GALNT5: variants seen among roughly 807,000 people sequenced by gnomAD.
GALNT5 encodes UDP-GalNAc:polypeptide N-acetylgalactosaminyltransferase 5.
In GALNT5, 72 loss-of-function variants were observed where a neutral mutation model predicts 85.4. That is an observed-to-expected ratio of 0.84 (90% CI 0.70 to 1.03). The LOEUF (loss-of-function observed/expected upper bound fraction) is 1.03. Among genes scored for constraint, GALNT5 ranks in the 50% least tolerant of loss-of-function variants. The pLI is 0.00. For missense variants in GALNT5, 1,137 were observed against 1,135.5 expected (o/e 1.00, Z -0.02); for synonymous variants, 404 against 397.0 (o/e 1.02, Z -0.21).
chr2:157,259,165 G>A lies in GALNT5; in HGVS notation c.1083G>A (p.Arg361=). Residue 361 remains arginine, a synonymous_variant, in exon 1 of 10, where the codon AGG becomes AGA. Coordinates refer to ENST00000259056, the MANE Select transcript of GALNT5 (RefSeq NM_014568.3). ...LGKSQSKHIS[R]NRSEMSSSSL... ...AAAGCCAAAGTAAACACATTTCCAG[G>A]AATAGAAGTGAGATGTCTTCCTCTT... is the stretch of plus-strand genomic sequence containing the variant. 4.0e-6 allele frequency: 6 copies of A among 1,516,186 alleles called. No individual in the cohort carries two copies. The highest frequency in any genetic ancestry group is 2.3e-5 in the East Asian group (1 of 43,750). 93.9% of individuals were successfully genotyped at this position (1,516,186 alleles called of 1,614,324 possible).
At position 157,314,651 on chromosome 2, in the gene GALNT5, C is replaced by T. The variant is rs192196748; in HGVS notation, c.*3303C>T. Among the ~76,000 whole-genome samples the T allele has an allele frequency of 3.9e-5, 6 of 152,270 alleles. No individual in the cohort carries two copies. The highest frequency in any genetic ancestry group is 1.3e-4 in the Admixed American group (2 of 15,292). Reference sequence around the variant, plus strand: ...TAGGAGTCCAATATTCCCAACCAACCTTGATTTCATGAATGGCTTGTAATT... The same window carrying T: ...TAGGAGTCCAATATTCCCAACCAACTTTGATTTCATGAATGGCTTGTAATT... On this transcript the variant is annotated 3_prime_UTR_variant, in exon 10 of 10. Coordinates refer to ENST00000259056, the MANE Select transcript of GALNT5 (RefSeq NM_014568.3).
chr2:157,274,399 C>T (rs544149915), intron 1 of GALNT5, among the ~76,000 whole-genome samples: 17 of 152,302 alleles, frequency 1.1e-4, no homozygotes, highest in African/African-American at 2.6e-4. Context: ...CCTGAGGAAT[C>T]GCCAGACTGT....
At chr2:157,271,576 G>C (rs1434020335) in intron 1 of GALNT5, among the ~76,000 whole-genome samples, 1 of 152,218 alleles carries the variant, frequency 6.6e-6, no homozygotes, top group African/African-American at 2.4e-5. Context: ...ACACAGAATA[G>C]AAGTTGATGG....
chr2:157,308,519 GC>G, intron 8 of GALNT5, 47 bp from the exon 9 acceptor site: 1 of 1,468,698 alleles, frequency 6.8e-7, no homozygotes, highest in Non-Finnish European at 9.3e-7. Flanking sequence ...CAAAGCCCCT[GC>G]CTGTGTTTGC....
At chr2:157,292,436 A>G (rs549814996) in intron 3 of GALNT5, among the ~76,000 whole-genome samples, 5 of 152,206 alleles carry the variant, frequency 3.3e-5, no homozygotes, top group Non-Finnish European at 7.3e-5. Flanking sequence ...CTCTTCCCCA[A>G]AATAAAACAA....
At chr2:157,306,394 A>G (rs1683456692) in intron 8 of GALNT5, among the ~76,000 whole-genome samples, 1 of 152,192 alleles carries the variant, frequency 6.6e-6, no homozygotes, top group Non-Finnish European at 1.5e-5. Flanking sequence ...TCCATGATCC[A>G]TGGTAGAAAC....
intron 3 of GALNT5, among the ~76,000 whole-genome samples, chr2:157,291,427 T>C (rs922154402): frequency 6.6e-6 from 1 of 152,078 alleles, no homozygotes; most frequent in Non-Finnish European, 1.5e-5. Context: ...AGGTAAAAAT[T>C]TTTTCCTTAG....
chr2:157,312,898 T>C lies in GALNT5; in HGVS notation c.*1550T>C, dbSNP rs1354563727. The C allele has an allele frequency of 6.6e-6, 1 of 152,178 alleles. No homozygotes were observed. The highest frequency in any genetic ancestry group is 1.5e-5 in the Non-Finnish European group (1 of 68,008). The allele number at this position is 152,178 out of a possible 1,614,324, so 9.4% of individuals were successfully genotyped here. On this transcript the variant is annotated 3_prime_UTR_variant, in exon 10 of 10. Coordinates refer to ENST00000259056, the MANE Select transcript of GALNT5 (RefSeq NM_014568.3). ...TTTTTCTTTTTTTAAATTTAAACTTTTGTTCAGTTGAGATGATTGTGAAAC... is the reference window on the plus strand; with the variant it reads ...TTTTTCTTTTTTTAAATTTAAACTTCTGTTCAGTTGAGATGATTGTGAAAC...
rs554869087 is a variant in GALNT5, at chr2:157,308,262, A to T, written c.2521-305A>T. On this transcript the variant is annotated intron_variant, in intron 8 of 9. Coordinates refer to ENST00000259056, the MANE Select transcript of GALNT5 (RefSeq NM_014568.3). ...CAGACAGAATTAATTGCACTGAATA[A>T]TTTTTATTATTGTAACTAACATTTA... is the stretch of plus-strand genomic sequence containing the variant. Among the ~76,000 whole-genome samples the T allele has an allele frequency of 3.9e-5, 6 of 152,314 alleles. No individual in the cohort carries two copies. The East Asian group carries it at 1.2e-3, about 29-fold the overall frequency.
In GALNT5 at chr2:157,259,265, A is replaced by G. The variant is rs773229806; in HGVS notation, c.1183A>G (p.Asn395Asp). ...LTGGLEPAKI[N>D]ITAKAPSTEY... Reference sequence around the variant, plus strand: ...TGGAGGGCTAGAGCCAGCAAAAATCAACATAACTGCCAAAGCCCCCTCTAC... The same window carrying G: ...TGGAGGGCTAGAGCCAGCAAAAATCGACATAACTGCCAAAGCCCCCTCTAC... The change falls in exon 1 of 10, where the codon AAC becomes GAC. Residue 395 changes from asparagine to aspartate, a missense_variant. Physicochemically the swap from Asn to Asp is conservative, Grantham distance 23 (BLOSUM62 1). Transcript: ENST00000259056. 5.6e-6 allele frequency: 9 copies of G among 1,611,522 alleles called. No individual in the cohort carries two copies. Among genetic ancestry groups the G allele is most frequent in the Non-Finnish European group, 6.8e-6 (8 of 1,178,944 alleles).
chr2:157,284,568 G>A (rs1194930009), intron 2 of GALNT5, 120 bp downstream of exon 2: 9 of 733,354 alleles, frequency 1.2e-5, no homozygotes, highest in Admixed American at 1.1e-4. Context: ...TCGTACAAAT[G>A]CTTTGTTTTA....
chr2:157,272,429 G>A (rs1235709779), intron 1 of GALNT5, among the ~76,000 whole-genome samples: 1 of 152,042 alleles, frequency 6.6e-6, no homozygotes, highest in Non-Finnish European at 1.5e-5. Flanking sequence ...TTTGTTACAG[G>A]GTATATTGCA....
chr2:157,299,066 GA>G, intron 5 of GALNT5: 1 of 157,434 alleles, frequency 6.4e-6, no homozygotes. Context: ...GGTGAGGGGG[GA>G]AGGAGACAGC....
At chr2:157,285,745 T>TA (rs1682956865) in intron 2 of GALNT5, among the ~76,000 whole-genome samples, 1 of 152,168 alleles carries the variant, frequency 6.6e-6, no homozygotes, top group South Asian at 2.1e-4. Context: ...CCTTGACAAA[T>TA]ACTCAGAAAG....
At chr2:157,277,935 G>C (rs941626275) in intron 1 of GALNT5, among the ~76,000 whole-genome samples, 1 of 152,134 alleles carries the variant, frequency 6.6e-6, no homozygotes, top group African/African-American at 2.4e-5. Context: ...TTTACAATTT[G>C]GTCTGTTTTT....
At chr2:157,260,868 C>T (rs1682321733) in intron 1 of GALNT5, among the ~76,000 whole-genome samples, 1 of 152,222 alleles carries the variant, frequency 6.6e-6, no homozygotes, top group South Asian at 2.1e-4. Context: ...GCCATTCACG[C>T]TTCTCACCCT....
At chr2:157,292,400 T>C (rs1454515653) in intron 3 of GALNT5, among the ~76,000 whole-genome samples, 1 of 152,160 alleles carries the variant, frequency 6.6e-6, no homozygotes, top group Non-Finnish European at 1.5e-5. Flanking sequence ...AGTAGAGCAA[T>C]AGCATGCATG....
chr2:157,263,894 T>A (rs535965995), intron 1 of GALNT5, among the ~76,000 whole-genome samples: 57 of 152,314 alleles, frequency 3.7e-4, no homozygotes, highest in Non-Finnish European at 7.2e-4. Context: ...TTTGTGTTTA[T>A]CCCTTATTTT....
chr2:157,274,069 G>A (rs1359036000), intron 1 of GALNT5, among the ~76,000 whole-genome samples: 3 of 152,034 alleles, frequency 2.0e-5, no homozygotes, highest in Non-Finnish European at 4.4e-5. Flanking sequence ...GTGAAAACAT[G>A]TGGTGTTTGG....
Sources: gnomAD v4.1 joint callset for allele counts (sites outside exome capture counted in the v4.1 genomes callset) on GRCh38, gnomAD v4.1.1 for gene constraint, MANE v1.5 for transcripts, NCBI Gene and HGNC (gene_info 2026-07-23, HGNC 2026-07-21) for gene names.